Variants in UBE3D observed in about 807,000 individuals in gnomAD.
The protein encoded by UBE3D is ubiquitin protein ligase E3D, also known as E3 ubiquitin-protein ligase E3D.
In UBE3D, 48 loss-of-function variants were observed where a neutral mutation model predicts 49.6. That is an observed-to-expected ratio of 0.97 (90% CI 0.77 to 1.23). The LOEUF (loss-of-function observed/expected upper bound fraction) is 1.23. UBE3D is among the 50% of genes most tolerant of loss of function. The pLI is 0.00. For missense variants in UBE3D, 452 were observed against 468.4 expected, an observed-to-expected ratio of 0.96 and a Z score of 0.32; for synonymous variants, 189 against 174.2, an observed-to-expected ratio of 1.08 and a Z score of -0.67.
At position 82,892,731 on chromosome 6, in the gene UBE3D, T is replaced by G. The variant is rs780362647; in HGVS notation, c.*291A>C. The stretch of plus-strand genomic sequence containing the variant: ...ATAACCTTCCAGGTGGTGCTGACAC[T>G]GCACATATGTGAATATTCCTCTCTG... On this transcript the variant is annotated 3_prime_UTR_variant, in exon 10 of 10. Transcript: ENST00000369747. 13 of 416,566 alleles carry G rather than the reference T, an allele frequency of 3.1e-5. No homozygotes were observed. Among genetic ancestry groups the G allele is most frequent in the Non-Finnish European group, 5.0e-5 (11 of 221,150 alleles). The allele number at this position is 416,566 out of a possible 1,614,324, so 25.8% of individuals were successfully genotyped here.
intron 9 of UBE3D, chr6:82,938,556 G>A (rs1400882721): frequency 2.6e-5 from 4 of 152,178 alleles, no homozygotes; most frequent in African/African-American, 9.7e-5. Context: ...TCAGTTTAGT[G>A]CAATACAGAC....
Position 83,044,619 on chromosome 6 carries a change from C to T in UBE3D, c.406G>A (p.Gly136Arg), listed in dbSNP as rs769908940. 1.9e-5 allele frequency: 30 copies of T among 1,613,946 alleles called. No individual in the cohort carries two copies. Among genetic ancestry groups the T allele is most frequent in the Admixed American group, 5.0e-5 (3 of 59,992 alleles). ...CAACACCATTCTCCAACTAGAGCTC[C>T]CCAGTTCTCACTCGGCAGTGGGAGC... is the stretch of plus-strand genomic sequence containing the variant. ...RVLPLPSENW[G>R]ALVGEWCCHP... Residue 136 changes from glycine (G) to arginine (R), a missense_variant, in exon 4 of 10, where the codon GGA becomes AGA. Physicochemically the swap from Gly to Arg is moderately radical, Grantham distance 125. Coordinates refer to ENST00000369747, the MANE Select transcript of UBE3D (RefSeq NM_198920.3).
intron 1 of UBE3D, among the ~76,000 whole-genome samples, chr6:83,060,457 T>C (rs1042193856): frequency 6.6e-6 from 1 of 152,186 alleles, no homozygotes; most frequent in African/African-American, 2.4e-5. Context: ...TACAGTAATA[T>C]TGATGGTTGT....
At chr6:82,906,772 A>C (rs1353108944) in intron 9 of UBE3D, among the ~76,000 whole-genome samples, 2 of 152,214 alleles carry the variant, frequency 1.3e-5, no homozygotes, top group Non-Finnish European at 2.9e-5. Flanking sequence ...CCCTGCTTCA[A>C]GTGTCTTTGT....
At chr6:82,984,692 T>C (rs924706669) in intron 8 of UBE3D, among the ~76,000 whole-genome samples, 1 of 152,192 alleles carries the variant, frequency 6.6e-6, no homozygotes, top group Non-Finnish European at 1.5e-5. Context: ...TGATGAAGTA[T>C]CTGTGAATAT....
At chr6:82,907,737 C>T (rs1259251727) in intron 9 of UBE3D, among the ~76,000 whole-genome samples, 1 of 152,170 alleles carries the variant, frequency 6.6e-6, no homozygotes, top group Non-Finnish European at 1.5e-5. Context: ...GACATGGTTG[C>T]TGGGAGTGTA....
At chr6:82,911,091 A>T (rs1424385233) in intron 9 of UBE3D, among the ~76,000 whole-genome samples, 1 of 151,722 alleles carries the variant, frequency 6.6e-6, no homozygotes, top group Non-Finnish European at 1.5e-5. Flanking sequence ...AAGGCCACCT[A>T]CACCAAGACA....
At chr6:83,032,970 C>T (rs190161061) in intron 5 of UBE3D, among the ~76,000 whole-genome samples, 44 of 152,238 alleles carry the variant, frequency 2.9e-4, no homozygotes, top group Admixed American at 2.6e-3. Flanking sequence ...TTTATAATTT[C>T]CCAGTCTTGG....
intron 9 of UBE3D, among the ~76,000 whole-genome samples, chr6:82,933,173 A>G (rs984442245): frequency 5.9e-5 from 9 of 152,180 alleles, no homozygotes; most frequent in Admixed American, 3.9e-4. Flanking sequence ...ACATTATGCA[A>G]TGATGGTGAT....
At chr6:83,021,277 C>A (rs767972070) in intron 7 of UBE3D, among the ~76,000 whole-genome samples, 2 of 151,970 alleles carry the variant, frequency 1.3e-5, no homozygotes, top group Non-Finnish European at 2.9e-5. Flanking sequence ...CTCGTCTTCA[C>A]AAAAAATTTA....
At position 82,985,008 on chromosome 6, in the gene UBE3D, C is replaced by CTTTT. The variant is rs70987727; in HGVS notation, c.1011-27562_1011-27559dup. On this transcript the variant is annotated intron_variant, in intron 8 of 9. Coordinates refer to ENST00000369747, the MANE Select transcript of UBE3D (RefSeq NM_198920.3). ...AATTTTTTTCTTTCTTCTTCTTCTTCTTTTTTTTTTTTTTTTTTTTTTTTG... is the reference window on the plus strand; with the variant it reads ...AATTTTTTTCTTTCTTCTTCTTCTTCTTTTTTTTTTTTTTTTTTTTTTTTTTTTG... Among the ~76,000 whole-genome samples the CTTTT allele has an allele frequency of 3.1e-3, 166 of 52,990 alleles. 10 individuals carry two copies. The highest frequency in any genetic ancestry group is 0.019 in the East Asian group (29 of 1,490). The allele number at this position is 52,990 out of a possible 152,430, so 34.8% of individuals were successfully genotyped here. A position where few individuals can be genotyped will look rare whatever the true frequency, so the allele number is the denominator to read the frequency against.
chr6:82,997,160 G>A (rs1779299528), intron 8 of UBE3D, among the ~76,000 whole-genome samples: 1 of 152,082 alleles, frequency 6.6e-6, no homozygotes, highest in South Asian at 2.1e-4. Context: ...TATACCCCAA[G>A]AACAACACCA....
At chr6:83,005,297 A>T (rs752005427) in intron 8 of UBE3D, among the ~76,000 whole-genome samples, 1 of 151,628 alleles carries the variant, frequency 6.6e-6, no homozygotes, top group Non-Finnish European at 1.5e-5. Flanking sequence ...CACATCCATT[A>T]TGACGGCTAT....
In UBE3D at chr6:83,019,195, T is replaced by C. The variant is rs567924986; in HGVS notation, c.847-59A>G. On this transcript the variant is annotated intron_variant, in intron 7 of 9. Coordinates refer to ENST00000369747, the MANE Select transcript of UBE3D (RefSeq NM_198920.3). ...ATATTGTCACCTTATCCATATCTTA[T>C]GACTTTTCAAAAACAAAAAAGAGAC... 32 of 1,468,026 alleles carry C rather than the reference T, an allele frequency of 2.2e-5. No homozygotes were observed. In the Middle Eastern group the frequency reaches 5.5e-4, roughly 25 times the overall value. The allele number at this position is 1,468,026 out of a possible 1,614,324, so 90.9% of individuals were successfully genotyped here. A position where few individuals can be genotyped will look rare whatever the true frequency, so the allele number is the denominator to read the frequency against.
At chr6:83,025,039 G>A (rs1170196595) in intron 5 of UBE3D, among the ~76,000 whole-genome samples, 1 of 152,138 alleles carries the variant, frequency 6.6e-6, no homozygotes, top group Non-Finnish European at 1.5e-5. Flanking sequence ...TAGCAGGCTT[G>A]CTATCTAATT....
chr6:83,053,578 A>G (rs1179314434), intron 3 of UBE3D, among the ~76,000 whole-genome samples: 3 of 152,194 alleles, frequency 2.0e-5, no homozygotes, highest in Non-Finnish European at 1.5e-5. Flanking sequence ...CAACAACAAC[A>G]ACGAAAAAAC....
At chr6:82,946,812 T>C (rs947880996) in intron 9 of UBE3D, among the ~76,000 whole-genome samples, 5 of 151,926 alleles carry the variant, frequency 3.3e-5, no homozygotes, top group African/African-American at 1.2e-4. Flanking sequence ...TTTTTGCTTG[T>C]TTGTTTATGC....
At chr6:82,944,292 T>C (rs1046530111) in intron 9 of UBE3D, among the ~76,000 whole-genome samples, 56 of 152,172 alleles carry the variant, frequency 3.7e-4, no homozygotes, top group Non-Finnish European at 8.1e-4. Context: ...GACAGAGAAC[T>C]GATCAGGGTT....
rs77518959 is a variant in UBE3D, at chr6:83,027,708, G to A, written c.668-3670C>T. 5.8e-3 allele frequency among the ~76,000 whole-genome samples: 876 copies of A among 152,082 alleles called. 2 individuals are homozygous for A. Among genetic ancestry groups the A allele is most frequent in the Non-Finnish European group, 9.1e-3 (619 of 67,996 alleles). ...GATTATCTTCACTTTTTATTCTACAGTATTACTCGCATGTGTCTAAGTATG... is the reference window on the plus strand; with the variant it reads ...GATTATCTTCACTTTTTATTCTACAATATTACTCGCATGTGTCTAAGTATG... On this transcript the variant is annotated intron_variant, in intron 5 of 9. Transcript: ENST00000369747.
Sources: allele counts gnomAD v4.1 joint callset (sites outside exome capture counted in the v4.1 genomes callset), GRCh38; gene constraint gnomAD v4.1.1; transcripts MANE v1.5; gene names NCBI Gene and HGNC (gene_info 2026-07-23, HGNC 2026-07-21).